The following ATOH7 variants were observed in gnomAD, a reference collection of about 807,000 sequenced individuals.
The protein encoded by ATOH7 is transcription factor ATOH7.
ATOH7 carries 11 observed loss-of-function variants against 11.0 expected under a neutral mutation model. The observed-to-expected ratio is 1.00, with a 90% CI of 0.63 to 1.66. The LOEUF (loss-of-function observed/expected upper bound fraction) is 1.66. Among genes scored for constraint, ATOH7 ranks in the 40% most tolerant of loss-of-function variants. The pLI, the probability that ATOH7 is intolerant of heterozygous loss-of-function variation, is 0.00. For missense variants in ATOH7, 232 were observed against 219.2 expected (o/e 1.06, Z -0.37); for synonymous variants, 98 against 98.3 (o/e 1.00, Z 0.02).
rs1445295134 is a variant in ATOH7, at chr10:68,231,026, G to A, written c.*193C>T. ...AAATCTACAAAATACAAAGGAGGAGGGGAAAAGAAAGGCAATTAAATGATT... is the reference window on the plus strand; with the variant it reads ...AAATCTACAAAATACAAAGGAGGAGAGGAAAAGAAAGGCAATTAAATGATT... On this transcript the variant is annotated 3_prime_UTR_variant, in exon 1 of 1. Coordinates refer to ENST00000373673, the MANE Select transcript of ATOH7 (RefSeq NM_145178.4). 2 of 502,718 alleles carry A rather than the reference G, an allele frequency of 4.0e-6. No homozygotes were observed. Among genetic ancestry groups the A allele is most frequent in the African/African-American group, 2.0e-5 (1 of 50,028 alleles). 31.1% of individuals were successfully genotyped at this position (502,718 alleles called of 1,614,324 possible). A position where few individuals can be genotyped will look rare whatever the true frequency, so the allele number is the denominator to read the frequency against.
Position 68,231,742 on chromosome 10 carries a change from T to C in ATOH7, c.-65A>G. ...GCCCGCTCAGGACCTGCGCGTGGGC[T>C]GGTCTCTCGAGCCGCTTCCCAACGT... On this transcript the variant is annotated 5_prime_UTR_variant, in exon 1 of 1. Transcript: ENST00000373673. 9.5e-7 allele frequency: 1 copy of C among 1,056,422 alleles called. No homozygotes were observed. 65.4% of individuals were successfully genotyped at this position (1,056,422 alleles called of 1,614,324 possible). A position where few individuals can be genotyped will look rare whatever the true frequency, so the allele number is the denominator to read the frequency against.
Position 68,232,067 on chromosome 10 carries a change from G to C in ATOH7, c.-390C>G, listed in dbSNP as rs187364801. 759 of 167,886 alleles carry C rather than the reference G, an allele frequency of 4.5e-3. 3 individuals carry two copies. Among genetic ancestry groups the C allele is most frequent in the African/African-American group, 0.017 (717 of 41,606 alleles). 10.4% of individuals were successfully genotyped at this position (167,886 alleles called of 1,614,324 possible). Reference sequence around the variant, plus strand: ...GCAGGAAGATGAACTCTTTCCCGAAGCTCAGGGAAGGAGCGCTTTTAGCGC... The same window carrying C: ...GCAGGAAGATGAACTCTTTCCCGAACCTCAGGGAAGGAGCGCTTTTAGCGC... On this transcript the variant is annotated 5_prime_UTR_variant, in exon 1 of 1. Coordinates refer to ENST00000373673, the MANE Select transcript of ATOH7 (RefSeq NM_145178.4).
chr10:68,231,179 G>C lies in ATOH7; in HGVS notation c.*40C>G, dbSNP rs772832904. The C allele has an allele frequency of 1.4e-6, 2 of 1,454,250 alleles. No individual in the cohort carries two copies. Among genetic ancestry groups the C allele is most frequent in the Non-Finnish European group, 1.8e-6 (2 of 1,105,246 alleles). The allele number at this position is 1,454,250 out of a possible 1,614,324, so 90.1% of individuals were successfully genotyped here. A position where few individuals can be genotyped will look rare whatever the true frequency, so the allele number is the denominator to read the frequency against. ...CTACTTGGGGCAGGGCCGAGGCTCG[G>C]AGCGGCTGCCGGACACCCACCCCCG... On this transcript the variant is annotated 3_prime_UTR_variant, in exon 1 of 1. Coordinates refer to ENST00000373673, the MANE Select transcript of ATOH7 (RefSeq NM_145178.4).
Position 68,231,571 on chromosome 10 carries a change from T to G in ATOH7, c.107A>C (p.Glu36Ala). The change falls in exon 1 of 1, where the codon GAG (glutamate) becomes GCG (alanine). Residue 36 changes from glutamate (E) to alanine (A), a missense_variant. Glu to Ala is a moderately radical substitution (Grantham distance 107). Coordinates refer to ENST00000373673, the MANE Select transcript of ATOH7 (RefSeq NM_145178.4). Reference sequence around the variant, plus strand: ...CGCCAGGCGCCTGCGCGCCGCGCTCTCCAGCCGCCCGGCCCCGGCGCACGT... The same window carrying G: ...CGCCAGGCGCCTGCGCGCCGCGCTCGCCAGCCGCCCGGCCCCGGCGCACGT... ...AGTCAGAGRL[E>A]SAARRRLAAN... is the part of the protein sequence containing the mutation. The G allele has an allele frequency of 8.2e-7, 1 of 1,224,332 alleles. No individual in the cohort carries two copies. Among genetic ancestry groups the G allele is most frequent in the South Asian group, 4.1e-5 (1 of 24,586 alleles). 75.8% of individuals were successfully genotyped at this position (1,224,332 alleles called of 1,614,324 possible).
rs753223574 is a variant in ATOH7, at chr10:68,231,560, G to C, written c.118C>G (p.Arg40Gly). 7.9e-7 allele frequency: 1 copy of C among 1,273,024 alleles called. No homozygotes were observed. The highest frequency in any genetic ancestry group is 1.0e-6 in the Non-Finnish European group (1 of 1,003,178). 78.9% of individuals were successfully genotyped at this position (1,273,024 alleles called of 1,614,324 possible). ...CGCGCGTTGGCCGCCAGGCGCCTGC[G>C]CGCCGCGCTCTCCAGCCGCCCGGCC... is the stretch of plus-strand genomic sequence containing the variant. ...AGAGRLESAA[R>G]RRLAANARER... Residue 40 changes from arginine to glycine, a missense_variant, in exon 1 of 1, where the codon CGC (arginine) becomes GGC (glycine). By Grantham distance (125) the Arg-to-Gly change is moderately radical. Transcript: ENST00000373673.
chr10:68,231,601 G>A lies in ATOH7; in HGVS notation c.77C>T (p.Ala26Val). The A allele has an allele frequency of 8.5e-7, 1 of 1,174,500 alleles. No homozygotes were observed. The highest frequency in any genetic ancestry group is 1.1e-6 in the Non-Finnish European group (1 of 948,984). The allele number at this position is 1,174,500 out of a possible 1,614,324, so 72.8% of individuals were successfully genotyped here. A position where few individuals can be genotyped will look rare whatever the true frequency, so the allele number is the denominator to read the frequency against. Residue 26 changes from alanine (A) to valine (V), a missense_variant, in exon 1 of 1, where the codon GCG (alanine) becomes GTG (valine). Physicochemically the swap from Ala to Val is moderately conservative, Grantham distance 64. Transcript: ENST00000373673. ...CCGCCCGGCCCCGGCGCACGTGCCC[G>A]CGCACTCGGTGCCGCCCGCGCACGG... ...APPCAGGTEC[A>V]GTCAGAGRLE...
chr10:68,231,202 CCGCGGAGGCGCG>C lies in ATOH7; in HGVS notation c.*5_*16del, dbSNP rs778941278. On this transcript the variant is annotated 3_prime_UTR_variant, in exon 1 of 1. Transcript: ENST00000373673. ...CGGAGCGGCTGCCGGACACCCACCC[CCGCGGAGGCGCG>C]CGCCCTAGGTGGCCATCTGGAAGGG... The C allele has an allele frequency of 6.0e-6, 9 of 1,498,260 alleles. No individual in the cohort carries two copies. The highest frequency in any genetic ancestry group is 8.0e-6 in the Non-Finnish European group (9 of 1,125,478). The allele number at this position is 1,498,260 out of a possible 1,614,324, so 92.8% of individuals were successfully genotyped here.
At position 68,231,276 on chromosome 10, in the gene ATOH7, C is replaced by T. The variant is rs762047633; in HGVS notation, c.402G>A (p.Glu134=). The part of the protein sequence containing the change: ...FPGAKLPGES[E]LYSQRLFGFQ... The stretch of plus-strand genomic sequence containing the variant: ...AGCCGAAGAGTCTCTGGCTGTACAG[C>T]TCGCTCTCGCCCGGCAGCTTCGCGC... The change falls in exon 1 of 1, where the codon GAG becomes GAA. Residue 134 remains glutamate, a synonymous_variant. Transcript: ENST00000373673. 6.2e-7 allele frequency: 1 copy of T among 1,607,880 alleles called. No individual in the cohort carries two copies. Among genetic ancestry groups the T allele is most frequent in the Non-Finnish European group, 8.5e-7 (1 of 1,178,168 alleles).
At position 68,231,217 on chromosome 10, in the gene ATOH7, C is replaced by T. The variant is rs751407372; in HGVS notation, c.*2G>A. 6.6e-7 allele frequency: 1 copy of T among 1,525,304 alleles called. No homozygotes were observed. Among genetic ancestry groups the T allele is most frequent in the South Asian group, 1.2e-5 (1 of 81,666 alleles). The allele number at this position is 1,525,304 out of a possible 1,614,324, so 94.5% of individuals were successfully genotyped here. On this transcript the variant is annotated 3_prime_UTR_variant, in exon 1 of 1. Coordinates refer to ENST00000373673, the MANE Select transcript of ATOH7 (RefSeq NM_145178.4). ...ACACCCACCCCCGCGGAGGCGCGCG[C>T]CCTAGGTGGCCATCTGGAAGGGCTC...
Position 68,231,089 on chromosome 10 carries a change from G to T in ATOH7, c.*130C>A. The T allele has an allele frequency of 1.1e-6, 1 of 929,940 alleles. No homozygotes were observed. The highest frequency in any genetic ancestry group is 1.5e-6 in the Non-Finnish European group (1 of 657,334). The allele number at this position is 929,940 out of a possible 1,614,324, so 57.6% of individuals were successfully genotyped here. On this transcript the variant is annotated 3_prime_UTR_variant, in exon 1 of 1. Transcript: ENST00000373673. ...CTGATGATGCGAATAAAGGTAATCT[G>T]AGAATCGACTAATTTTCCTCGAGGA...
At position 68,231,501 on chromosome 10, in the gene ATOH7, G is replaced by C. The variant is rs751140454; in HGVS notation, c.177C>G (p.Ala59=). 6.4e-7 allele frequency: 1 copy of C among 1,557,682 alleles called. No homozygotes were observed. Among genetic ancestry groups the C allele is most frequent in the South Asian group, 1.2e-5 (1 of 85,714 alleles). The change falls in exon 1 of 1, where the codon GCC becomes GCG. Residue 59 remains alanine, a synonymous_variant. Transcript: ENST00000373673. ...GAACCACCCTGCGTAAGCGGTCGAA[G>C]GCAGTGTTGAGCCCCTGCATGCGGC... is the stretch of plus-strand genomic sequence containing the variant. ...ERRRMQGLNT[A]FDRLRRVVPQ...
Position 68,231,270 on chromosome 10 carries a change from G to A in ATOH7, c.408C>T (p.Tyr136=), listed in dbSNP as rs775705457. ...GAKLPGESEL[Y]SQRLFGFQPE... is the part of the protein sequence containing the mutation. ...GCTGGAAGCCGAAGAGTCTCTGGCT[G>A]TACAGCTCGCTCTCGCCCGGCAGCT... Residue 136 remains tyrosine (Y), a synonymous_variant, in exon 1 of 1, where the codon TAC becomes TAT. Coordinates refer to ENST00000373673, the MANE Select transcript of ATOH7 (RefSeq NM_145178.4). 8 of 1,604,738 alleles carry A rather than the reference G, an allele frequency of 5.0e-6. No homozygotes were observed. In the Admixed American group the frequency reaches 5.1e-5, roughly 10 times the overall value.
Position 68,231,620 on chromosome 10 carries a change from C to T in ATOH7, c.58G>A (p.Ala20Thr), listed in dbSNP as rs1055092695. The change falls in exon 1 of 1, where the codon GCG becomes ACG. Residue 20 changes from alanine (A) to threonine (T), a missense_variant. Physicochemically the swap from Ala to Thr is moderately conservative, Grantham distance 58 (BLOSUM62 0). Coordinates refer to ENST00000373673, the MANE Select transcript of ATOH7 (RefSeq NM_145178.4). ...PAGARVAPPC[A>T]GGTECAGTCA... is the part of the protein sequence containing the mutation. ...GTGCCCGCGCACTCGGTGCCGCCCGCGCACGGGGGTGCAACGCGCGCTCCC... is the reference window on the plus strand; with the variant it reads ...GTGCCCGCGCACTCGGTGCCGCCCGTGCACGGGGGTGCAACGCGCGCTCCC... 2.1e-5 allele frequency: 25 copies of T among 1,164,042 alleles called. No individual in the cohort carries two copies. In the African/African-American group the frequency reaches 3.7e-4, roughly 17 times the overall value. The allele number at this position is 1,164,042 out of a possible 1,614,324, so 72.1% of individuals were successfully genotyped here.
rs2044023760 is a variant in ATOH7, at chr10:68,231,152, G to C, written c.*67C>G. 9 of 1,376,168 alleles carry C rather than the reference G, an allele frequency of 6.5e-6. No individual in the cohort carries two copies. Among genetic ancestry groups the C allele is most frequent in the Non-Finnish European group, 8.5e-6 (9 of 1,053,346 alleles). 85.2% of individuals were successfully genotyped at this position (1,376,168 alleles called of 1,614,324 possible). On this transcript the variant is annotated 3_prime_UTR_variant, in exon 1 of 1. Transcript: ENST00000373673. ...AATCCTGGGCCGCCGGAGGCTTCTG[G>C]GCTACTTGGGGCAGGGCCGAGGCTC...
chr10:68,231,514 C>G lies in ATOH7; in HGVS notation c.164G>C (p.Gly55Ala). 6.5e-6 allele frequency: 9 copies of G among 1,393,484 alleles called. No individual in the cohort carries two copies. The highest frequency in any genetic ancestry group is 7.5e-6 in the Non-Finnish European group (8 of 1,060,114). 86.3% of individuals were successfully genotyped at this position (1,393,484 alleles called of 1,614,324 possible). ...TAAGCGGTCGAAGGCAGTGTTGAGC[C>G]CCTGCATGCGGCGGCGCTCGCGCGC... The part of the protein sequence containing the change: ...ANARERRRMQ[G>A]LNTAFDRLRR... Residue 55 changes from glycine (G) to alanine (A), a missense_variant, in exon 1 of 1, where the codon GGG becomes GCG. By Grantham distance (60) the Gly-to-Ala change is moderately conservative (BLOSUM62 0). Coordinates refer to ENST00000373673, the MANE Select transcript of ATOH7 (RefSeq NM_145178.4).
rs1564710848 is a variant in ATOH7, at chr10:68,231,384, C to T, written c.294G>A (p.Glu98=). 4 of 1,613,824 alleles carry T rather than the reference C, an allele frequency of 2.5e-6. No homozygotes were observed. The African/African-American group carries it at 5.3e-5, about 22-fold the overall frequency. The change falls in exon 1 of 1, where the codon GAG becomes GAA. Residue 98 remains glutamate, a synonymous_variant. Transcript: ENST00000373673. ...CCCGCTCCGAGCCGAATCGCTCGGC[C>T]TCGGCCAGGATCCGGGTCAGAGCCA... is the stretch of plus-strand genomic sequence containing the variant. ...YIMALTRILA[E]AERFGSERDW...
At position 68,231,061 on chromosome 10, in the gene ATOH7, G is replaced by T. The variant is rs2044023315; in HGVS notation, c.*158C>A. 2.9e-6 allele frequency: 2 copies of T among 681,014 alleles called. No individual in the cohort carries two copies. The highest frequency in any genetic ancestry group is 1.9e-5 in the African/African-American group (1 of 53,396). 42.2% of individuals were successfully genotyped at this position (681,014 alleles called of 1,614,324 possible). On this transcript the variant is annotated 3_prime_UTR_variant, in exon 1 of 1. Coordinates refer to ENST00000373673, the MANE Select transcript of ATOH7 (RefSeq NM_145178.4). Reference sequence around the variant, plus strand: ...AGGCAATTAAATGATTGCGTCCATAGGTCTGATGATGCGAATAAAGGTAAT... The same window carrying T: ...AGGCAATTAAATGATTGCGTCCATATGTCTGATGATGCGAATAAAGGTAAT...
rs1487744054 is a variant in ATOH7, at chr10:68,230,691, C to G, written c.*528G>C. Reference sequence around the variant, plus strand: ...TTTAAAAAAATACAGAGCACCGATACCCATGTACTGTACCCAGAAAAAAAA... The same window carrying G: ...TTTAAAAAAATACAGAGCACCGATAGCCATGTACTGTACCCAGAAAAAAAA... On this transcript the variant is annotated 3_prime_UTR_variant, in exon 1 of 1. Coordinates refer to ENST00000373673, the MANE Select transcript of ATOH7 (RefSeq NM_145178.4). 1 of 152,238 alleles carries G rather than the reference C, an allele frequency of 6.6e-6. No individual in the cohort carries two copies. Among genetic ancestry groups the G allele is most frequent in the Admixed American group, 6.5e-5 (1 of 15,272 alleles). The allele number at this position is 152,238 out of a possible 1,614,324, so 9.4% of individuals were successfully genotyped here. A position where few individuals can be genotyped will look rare whatever the true frequency, so the allele number is the denominator to read the frequency against.
rs1439917334 is a variant in ATOH7, at chr10:68,231,460, T to C, written c.218A>G (p.Asp73Gly). The change falls in exon 1 of 1, where the codon GAT becomes GGT. Residue 73 changes from aspartate to glycine, a missense_variant. By Grantham distance (94) the Asp-to-Gly change is moderately conservative. Coordinates refer to ENST00000373673, the MANE Select transcript of ATOH7 (RefSeq NM_145178.4). ...LRRVVPQWGQ[D>G]KKLSKYETLQ... ...GGTCTCGTACTTGGACAGCTTTTTA[T>C]CCTGGCCCCACTGGGGAACCACCCT... The C allele has an allele frequency of 5.0e-6, 8 of 1,605,910 alleles. No individual in the cohort carries two copies. The highest frequency in any genetic ancestry group is 1.7e-4 in the Middle Eastern group (1 of 6,034).
Sources: gnomAD v4.1 joint callset for allele counts on GRCh38, gnomAD v4.1.1 for gene constraint, MANE v1.5 for transcripts, NCBI Gene and HGNC (gene_info 2026-07-23, HGNC 2026-07-21) for gene names.